CDIN1: variants seen among roughly 807,000 people sequenced by gnomAD.
The protein encoded by CDIN1 is CDAN1 interacting nuclease 1, also known as CDAN1-interacting nuclease 1.
A neutral mutation model predicts 45.3 loss-of-function variants in CDIN1; 33 were observed. The observed-to-expected ratio is 0.73, with a 90% confidence interval of 0.55 to 0.97. The LOEUF is 0.97. CDIN1 is among the 50% of genes least tolerant of loss of function. The pLI is 0.00. For missense variants in CDIN1, 303 were observed against 339.4 expected (o/e 0.89, Z 0.84); for synonymous variants, 118 against 124.4 (o/e 0.95, Z 0.34).
At chr15:36,640,971 C>G (rs1475845469) in intron 1 of CDIN1, among the ~76,000 whole-genome samples, 1 of 152,140 alleles carries the variant, frequency 6.6e-6, no homozygotes, top group Non-Finnish European at 1.5e-5. Flanking sequence ...AATCACACAC[C>G]AGTTTAGGAT....
intron 1 of CDIN1, among the ~76,000 whole-genome samples, chr15:36,603,453 A>G (rs1269356159): frequency 6.6e-6 from 1 of 152,230 alleles, no homozygotes; most frequent in Non-Finnish European, 1.5e-5. Flanking sequence ...GGGAGACTAT[A>G]GTAATTTTTG....
At chr15:36,752,080 A>T (rs1482642111) in intron 10 of CDIN1, among the ~76,000 whole-genome samples, 1 of 152,204 alleles carries the variant, frequency 6.6e-6, no homozygotes, top group Admixed American at 6.6e-5. Context: ...CGATAGGTGC[A>T]GCAAACCACC....
chr15:36,776,660 CATTT>C (rs1323902983), intron 10 of CDIN1, among the ~76,000 whole-genome samples: 1 of 152,166 alleles, frequency 6.6e-6, no homozygotes, highest in African/African-American at 2.4e-5. Flanking sequence ...TTTTCTGTGA[CATTT>C]ATAGGATCCT....
In CDIN1 at chr15:36,709,816, C is replaced by T. The variant is rs777170119; in HGVS notation, c.611-40C>T. On this transcript the variant is annotated intron_variant, in intron 9 of 10. Transcript: ENST00000566621. ...ACAGAGTTCAGAATTTTCAATCTTCCCCTCCCTTCTCCGTATATTAGTAAT... is the reference window on the plus strand; with the variant it reads ...ACAGAGTTCAGAATTTTCAATCTTCTCCTCCCTTCTCCGTATATTAGTAAT... The T allele has an allele frequency of 3.3e-6, 5 of 1,528,594 alleles. No individual in the cohort carries two copies. In the Admixed American group the frequency reaches 5.0e-5, roughly 15 times the overall value. The allele number at this position is 1,528,594 out of a possible 1,614,324, so 94.7% of individuals were successfully genotyped here.
intron 10 of CDIN1, among the ~76,000 whole-genome samples, chr15:36,717,767 G>T (rs923495084): frequency 5.9e-5 from 9 of 152,086 alleles, no homozygotes; most frequent in African/African-American, 2.2e-4. Flanking sequence ...CTTTTCTGAA[G>T]TGGTTATACC....
At position 36,588,252 on chromosome 15, in the gene CDIN1, C is replaced by G. The variant is rs185791850; in HGVS notation, c.101+8291C>G. 1.3e-4 allele frequency among the ~76,000 whole-genome samples: 12 copies of G among 93,210 alleles called. No homozygotes were observed. The East Asian group carries it at 4.4e-3, about 34-fold the overall frequency. The allele number at this position is 93,210 out of a possible 152,430, so 61.1% of individuals were successfully genotyped here. A position where few individuals can be genotyped will look rare whatever the true frequency, so the allele number is the denominator to read the frequency against. On this transcript the variant is annotated intron_variant, in intron 1 of 10. Coordinates refer to ENST00000566621, the MANE Select transcript of CDIN1 (RefSeq NM_001321759.2). ...TGGCATTTAAAAAAACCTTTTAAACCTAAATTCACTGATTTTTAAGAATTG... is the reference window on the plus strand; with the variant it reads ...TGGCATTTAAAAAAACCTTTTAAACGTAAATTCACTGATTTTTAAGAATTG...
intron 1 of CDIN1, among the ~76,000 whole-genome samples, chr15:36,622,286 T>C (rs2039231744): frequency 6.6e-6 from 1 of 152,086 alleles, no homozygotes; most frequent in African/African-American, 2.4e-5. Context: ...GTTTTTCTCA[T>C]CGGGCTTGAG....
intron 5 of CDIN1, among the ~76,000 whole-genome samples, chr15:36,672,380 G>C (rs2041484028): frequency 6.6e-6 from 1 of 152,006 alleles, no homozygotes; most frequent in Non-Finnish European, 1.5e-5. Flanking sequence ...AAGTACCTCT[G>C]TGTGCCAGGT....
chr15:36,668,675 T>C (rs1214255858), intron 5 of CDIN1, among the ~76,000 whole-genome samples: 1 of 152,124 alleles, frequency 6.6e-6, no homozygotes, highest in African/African-American at 2.4e-5. Context: ...TTAGCATCTC[T>C]TACTGTCATA....
At chr15:36,582,120 A>G (rs2037073579) in intron 1 of CDIN1, among the ~76,000 whole-genome samples, 3 of 152,214 alleles carry the variant, frequency 2.0e-5, no homozygotes, top group Non-Finnish European at 4.4e-5. Flanking sequence ...AACAAATGCT[A>G]TTAGTTGTTT....
intron 5 of CDIN1, chr15:36,658,218 A>T (rs1248572776): frequency 5.0e-6 from 1 of 198,542 alleles, no homozygotes; most frequent in Non-Finnish European, 1.0e-5. Context: ...ATTGTCAGGA[A>T]CTGGCTCTAA....
chr15:36,592,464 T>C (rs749077849), intron 1 of CDIN1, among the ~76,000 whole-genome samples: 42 of 152,232 alleles, frequency 2.8e-4, no homozygotes, highest in Non-Finnish European at 4.8e-4. Context: ...TTTTGTACCT[T>C]ATGGCTCCAA....
intron 10 of CDIN1, among the ~76,000 whole-genome samples, chr15:36,716,101 A>G (rs1032344531): frequency 2.0e-5 from 3 of 152,202 alleles, no homozygotes; most frequent in African/African-American, 2.4e-5. Context: ...AAACAGATCT[A>G]TAAGGGAATG....
chr15:36,744,039 T>A (rs1288849148), intron 10 of CDIN1, among the ~76,000 whole-genome samples: 1 of 151,926 alleles, frequency 6.6e-6, no homozygotes, highest in East Asian at 1.9e-4. Context: ...CCCTGAAATT[T>A]ACTAGACCTT....
intron 10 of CDIN1, among the ~76,000 whole-genome samples, chr15:36,717,969 G>A (rs1262769567): frequency 6.6e-6 from 1 of 151,994 alleles, no homozygotes; most frequent in African/African-American, 2.4e-5. Context: ...TTTGCTGCCT[G>A]TTTTCTTGGA....
At chr15:36,774,775 C>CAA (rs1223610089) in intron 10 of CDIN1, among the ~76,000 whole-genome samples, 1 of 152,006 alleles carries the variant, frequency 6.6e-6, no homozygotes, top group Non-Finnish European at 1.5e-5. Flanking sequence ...CCAGGAGAAA[C>CAA]AAAGTGAGAT....
intron 10 of CDIN1, among the ~76,000 whole-genome samples, chr15:36,728,938 T>G (rs2043741150): frequency 6.6e-6 from 1 of 152,178 alleles, no homozygotes; most frequent in African/African-American, 2.4e-5. Flanking sequence ...CCTCCCAAAG[T>G]GCTCAGATAA....
intron 4 of CDIN1, among the ~76,000 whole-genome samples, chr15:36,656,718 G>T (rs1359375136): frequency 2.0e-5 from 3 of 152,060 alleles, no homozygotes; most frequent in African/African-American, 7.2e-5. Flanking sequence ...TCTGATGTGG[G>T]TTACTAGGAA....
chr15:36,724,673 C>T (rs1292709490), intron 10 of CDIN1, among the ~76,000 whole-genome samples: 1 of 152,052 alleles, frequency 6.6e-6, no homozygotes, highest in East Asian at 1.9e-4. Flanking sequence ...CTCTTATAAA[C>T]AGGGAAAGAA....
Sources: gnomAD v4.1 joint callset for allele counts (sites outside exome capture counted in the v4.1 genomes callset) on GRCh38, gnomAD v4.1.1 for gene constraint, MANE v1.5 for transcripts, NCBI Gene and HGNC (gene_info 2026-07-23, HGNC 2026-07-21) for gene names.